The following ZNF14 variants were observed in gnomAD, a reference collection of about 807,000 sequenced individuals.
ZNF14 encodes gonadotropin inducible transcription repressor-4.
ZNF14 carries 9 observed loss-of-function variants against 11.3 expected under a neutral mutation model. The ratio of observed to expected loss-of-function variants is 0.80; its 90% CI spans 0.48 to 1.39. The LOEUF (loss-of-function observed/expected upper bound fraction) is 1.39, where lower values mean the gene tolerates loss of function less well. Among genes scored for constraint, ZNF14 ranks in the 40% most tolerant of loss-of-function variants. The probability of loss-of-function intolerance (pLI) is 0.00; values close to 1 mark genes in which losing one functional copy is unlikely to be tolerated. For synonymous variants in ZNF14, 239 were observed against 245.7 expected (o/e 0.97, Z 0.25); for missense variants, 711 against 763.9 (o/e 0.93, Z 0.82).
chr19:19,722,879 C>T (rs898871022), intron 1 of ZNF14, among the ~76,000 whole-genome samples: 1 of 152,148 alleles, frequency 6.6e-6, no homozygotes, highest in African/African-American at 2.4e-5. Flanking sequence ...CATGATTTGG[C>T]TCTCTTTTGC....
At position 19,713,063 on chromosome 19, in the gene ZNF14, TCA is replaced by T. The variant is rs769151401; in HGVS notation, c.216_217del (p.Cys72Ter). 8 of 1,605,508 alleles carry T rather than the reference TCA, an allele frequency of 5.0e-6. No homozygotes were observed. Among genetic ancestry groups the T allele is most frequent in the South Asian group, 1.1e-5 (1 of 89,760 alleles). On this transcript the variant is annotated stop_gained and frameshift_variant, in exon 4 of 4. Coordinates refer to ENST00000344099, the MANE Select transcript of ZNF14 (RefSeq NM_021030.3). LOFTEE classifies it low-confidence loss of function (END_TRUNC). ...TCCACATTTGCTACCTCTTCTACTTTCACAGAGTCTCTCAACCATATGACATC... is the reference window on the plus strand; with the variant it reads ...TCCACATTTGCTACCTCTTCTACTTTCAGAGTCTCTCAACCATATGACATC...
At chr19:19,714,013 A>G in intron 3 of ZNF14, 78 bp downstream of exon 3, 2 of 1,296,282 alleles carry the variant, frequency 1.5e-6, no homozygotes, top group East Asian at 4.6e-5. Flanking sequence ...AATAAATTTG[A>G]AGCTGTGCTT....
intron 1 of ZNF14, among the ~76,000 whole-genome samples, chr19:19,714,713 C>CTTTTTCT (rs1555761422): frequency 0.031 from 3,776 of 122,784 alleles, 97 homozygotes; most frequent in Middle Eastern, 0.061. Flanking sequence ...TTTTCTTTTT[C>CTTTTTCT]TTTTTTTTTT....
rs754718779 is a variant in ZNF14, at chr19:19,712,007, CCA to C, written c.1272_1273del (p.Cys424TrpfsTer2). The stretch of plus-strand genomic sequence containing the variant: ...GGAACTTGAAAAACTGAAGGTTTTA[CCA>C]CATTGTTTACATTCATAGGGTTTCT... On this transcript the variant is annotated frameshift_variant, in exon 4 of 4. Coordinates refer to ENST00000344099, the MANE Select transcript of ZNF14 (RefSeq NM_021030.3). LOFTEE classifies it low-confidence loss of function (END_TRUNC). 3.3e-5 allele frequency: 53 copies of C among 1,613,890 alleles called. No homozygotes were observed. The highest frequency in any genetic ancestry group is 4.2e-5 in the Non-Finnish European group (50 of 1,180,006).
In ZNF14 at chr19:19,720,878, A is replaced by C. The variant is rs2062391322; in HGVS notation, c.4-6391T>G. Reference sequence around the variant, plus strand: ...ACCCTAGACAAAGTGAGCACATCCCAAGAAGCTCTTAACCCGGCATGTTTT... The same window carrying C: ...ACCCTAGACAAAGTGAGCACATCCCCAGAAGCTCTTAACCCGGCATGTTTT... On this transcript the variant is annotated intron_variant, in intron 1 of 3. Transcript: ENST00000344099. The surrounding 1 kb of genome is among the most constrained non-coding windows in gnomAD (Gnocchi z 4.1). Among the ~76,000 whole-genome samples, 1 of 152,236 alleles carries C rather than the reference A, an allele frequency of 6.6e-6. No individual in the cohort carries two copies. The highest frequency in any genetic ancestry group is 6.5e-5 in the Admixed American group (1 of 15,286).
chr19:19,714,309 A>G, intron 2 of ZNF14, 52 bp downstream of exon 2: 2 of 1,609,556 alleles, frequency 1.2e-6, no homozygotes, highest in East Asian at 4.5e-5. Flanking sequence ...AGCAAGAAAC[A>G]CTTGTTCTGT....
At position 19,725,461 on chromosome 19, in the gene ZNF14, G is replaced by A. The variant is rs1318106827; in HGVS notation, c.3+7495C>T. 2.2e-5 allele frequency among the ~76,000 whole-genome samples: 3 copies of A among 133,892 alleles called. 1 individual carries two copies. The highest frequency in any genetic ancestry group is 8.3e-5 in the African/African-American group (3 of 36,172). The allele number at this position is 133,892 out of a possible 152,430, so 87.8% of individuals were successfully genotyped here. ...CGAGAGATTTGCTGTTAGTCTGATG[G>A]GCTTCCCTCTGTGGGGAACAAGACC... is the stretch of plus-strand genomic sequence containing the variant. On this transcript the variant is annotated intron_variant, in intron 1 of 3. Coordinates refer to ENST00000344099, the MANE Select transcript of ZNF14 (RefSeq NM_021030.3).
chr19:19,729,472 C>A (rs1009635196), intron 1 of ZNF14, among the ~76,000 whole-genome samples: 1 of 151,962 alleles, frequency 6.6e-6, no homozygotes, highest in African/African-American at 2.4e-5. Context: ...CCAGCCCCCA[C>A]ATCCAGCTAA....
rs1599470123 is a variant in ZNF14 at position 19,720,929 on chromosome 19, A to G, written c.4-6442T>C. 6.6e-6 allele frequency among the ~76,000 whole-genome samples: 1 copy of G among 152,150 alleles called. No homozygotes were observed. The highest frequency in any genetic ancestry group is 1.5e-5 in the Non-Finnish European group (1 of 68,022). ...AATTTAAATAAAAGAGAAAGCATTCATAAGAACAACCTCCTACTCTTACTT... is the reference window on the plus strand; with the variant it reads ...AATTTAAATAAAAGAGAAAGCATTCGTAAGAACAACCTCCTACTCTTACTT... On this transcript the variant is annotated intron_variant, in intron 1 of 3. Coordinates refer to ENST00000344099, the MANE Select transcript of ZNF14 (RefSeq NM_021030.3). This position sits in a 1 kb window ranked among gnomAD's most constrained non-coding sequence, Gnocchi z 4.1.
Position 19,711,801 on chromosome 19 carries a change from C to T in ZNF14, c.1480G>A (p.Glu494Lys). The stretch of plus-strand genomic sequence containing the variant: ...GGTTTCTCTCCAGTGTGTGTTCTTT[C>T]ATGCAGTCGAAAGGAACTGGAACGA... ...FIRSSSFRLH[E>K]RTHTGEKPYE... Residue 494 changes from glutamate (E) to lysine (K), a missense_variant, in exon 4 of 4, where the codon GAA (glutamate) becomes AAA (lysine). By Grantham distance (56) the Glu-to-Lys change is moderately conservative. Coordinates refer to ENST00000344099, the MANE Select transcript of ZNF14 (RefSeq NM_021030.3). The T allele has an allele frequency of 6.2e-7, 1 of 1,613,568 alleles. No homozygotes were observed. The highest frequency in any genetic ancestry group is 8.5e-7 in the Non-Finnish European group (1 of 1,179,542).
rs1484220158 is a variant in ZNF14, at chr19:19,713,899, TA to T, written c.191+191del. Among the ~76,000 whole-genome samples the T allele has an allele frequency of 2.6e-5, 4 of 152,266 alleles. No homozygotes were observed. The East Asian group carries it at 7.7e-4, about 29-fold the overall frequency. ...TGCCTGGCCAAAATAATAATATTTA[TA>T]AAAGGGGTTTCTAAATGCTATTTCG... On this transcript the variant is annotated intron_variant, in intron 3 of 3. Transcript: ENST00000344099.
intron 1 of ZNF14, among the ~76,000 whole-genome samples, chr19:19,723,394 G>C (rs1261559054): frequency 1.3e-5 from 2 of 152,114 alleles, no homozygotes; most frequent in Non-Finnish European, 2.9e-5. Flanking sequence ...TTATTGATTT[G>C]TGTATGTTGA....
intron 1 of ZNF14, among the ~76,000 whole-genome samples, chr19:19,718,140 T>C (rs2062382722): frequency 6.6e-6 from 1 of 152,182 alleles, no homozygotes; most frequent in African/African-American, 2.4e-5. Flanking sequence ...AGAACAGAAT[T>C]AGAAGACAGA....
At chr19:19,721,703 T>C (rs1313038108) in intron 1 of ZNF14, among the ~76,000 whole-genome samples, 1 of 152,198 alleles carries the variant, frequency 6.6e-6, no homozygotes, top group African/African-American at 2.4e-5. Flanking sequence ...GGCTCATGCC[T>C]GTAATCCTAG....
chr19:19,729,211 C>T (rs1035070667), intron 1 of ZNF14, among the ~76,000 whole-genome samples: 45 of 150,496 alleles, frequency 3.0e-4, no homozygotes, highest in African/African-American at 8.8e-4. Context: ...CTCCTAACCT[C>T]GTGATCCACC....
chr19:19,714,167 A>T lies in ZNF14; in HGVS notation c.131-16T>A, dbSNP rs1320966418. The T allele has an allele frequency of 2.5e-6, 4 of 1,610,210 alleles. No individual in the cohort carries two copies. Among genetic ancestry groups the T allele is most frequent in the African/African-American group, 1.3e-5 (1 of 74,710 alleles). ...CACTTTTTTCCTAAAATGCATACCC[A>T]GAAAGACCATTAAAAATTATTAGAA... On this transcript the variant is annotated splice_polypyrimidine_tract_variant and intron_variant, in intron 2 of 3. Coordinates refer to ENST00000344099, the MANE Select transcript of ZNF14 (RefSeq NM_021030.3).
chr19:19,711,731 G>C lies in ZNF14; in HGVS notation c.1550C>G (p.Ser517Cys), dbSNP rs749536198. The C allele has an allele frequency of 4.3e-6, 7 of 1,613,486 alleles. No homozygotes were observed. Among genetic ancestry groups the C allele is most frequent in the Non-Finnish European group, 5.9e-6 (7 of 1,179,912 alleles). The change falls in exon 4 of 4, where the codon TCC (serine) becomes TGC (cysteine). Residue 517 changes from serine (S) to cysteine (C), a missense_variant. By Grantham distance (112) the Ser-to-Cys change is moderately radical. Coordinates refer to ENST00000344099, the MANE Select transcript of ZNF14 (RefSeq NM_021030.3). ...GTGAATTTTTTCATGTTCTCGAAGG[G>C]AACTTGAAAAACTGAAGGTTTTACC... ...LCGKTFSFSS[S>C]LREHEKIHTG...
Position 19,712,815 on chromosome 19 carries a change from AG to A in ZNF14, c.465del (p.Arg157AlafsTer10). On this transcript the variant is annotated frameshift_variant, in exon 4 of 4. Coordinates refer to ENST00000344099, the MANE Select transcript of ZNF14 (RefSeq NM_021030.3). LOFTEE classifies it low-confidence loss of function (END_TRUNC). Reference protein sequence around the residue: ...AVGKTFSYHHCFRKHERTHTG... With the variant: ...AVGKTFSYHHXFRKHERTHTG... ...GTGTGAGTTCTTTCATGTTTGCGAAAGCAGTGGTGATAACTGAAGGTTTTCC... is the reference window on the plus strand; with the variant it reads ...GTGTGAGTTCTTTCATGTTTGCGAAACAGTGGTGATAACTGAAGGTTTTCC... 2.5e-6 allele frequency: 4 copies of A among 1,614,202 alleles called. No individual in the cohort carries two copies. The highest frequency in any genetic ancestry group is 3.4e-6 in the Non-Finnish European group (4 of 1,180,032).
At chr19:19,729,857 C>T (rs2062418179) in intron 1 of ZNF14, among the ~76,000 whole-genome samples, 1 of 152,212 alleles carries the variant, frequency 6.6e-6, no homozygotes, top group East Asian at 1.9e-4. Flanking sequence ...AAACCTTACC[C>T]TCACCCATTT....
Sources: allele counts gnomAD v4.1 joint callset (sites outside exome capture counted in the v4.1 genomes callset), GRCh38; gene constraint gnomAD v4.1.1; non-coding constraint Gnocchi (gnomAD v3.1); transcripts MANE v1.5; gene names NCBI Gene and HGNC (gene_info 2026-07-23, HGNC 2026-07-21).